SLCO1B1: variants seen among roughly 807,000 people sequenced by gnomAD.
SLCO1B1 encodes the protein solute carrier organic anion transporter family member 1B1.
Under a neutral mutation model 70.1 loss-of-function variants are expected in SLCO1B1, and 81 were observed. That is an observed-to-expected ratio of 1.16 (90% CI 0.97 to 1.39). SLCO1B1 has a LOEUF of 1.39. Ranked by LOEUF, SLCO1B1 falls within the 40% of genes most tolerant of loss-of-function variation. SLCO1B1 has a pLI of 0.00. For missense variants in SLCO1B1, 895 were observed against 799.6 expected (o/e 1.12, Z -1.44); for synonymous variants, 283 against 271.5 (o/e 1.04, Z -0.42).
intron 2 of SLCO1B1, among the ~76,000 whole-genome samples, chr12:21,157,730 T>C (rs1162758249): frequency 2.6e-5 from 4 of 151,644 alleles, no homozygotes; most frequent in African/African-American, 9.7e-5. Flanking sequence ...GCCTCCCAAG[T>C]AGCTGGGACT....
intron 14 of SLCO1B1, among the ~76,000 whole-genome samples, chr12:21,232,599 A>G (rs1228182545): frequency 6.6e-6 from 1 of 152,196 alleles, no homozygotes; most frequent in Non-Finnish European, 1.5e-5. Context: ...CAACACTAAA[A>G]GACAAATTCT....
chr12:21,214,553 A>C (rs1941332471), intron 11 of SLCO1B1, among the ~76,000 whole-genome samples: 1 of 150,962 alleles, frequency 6.6e-6, no homozygotes, highest in Admixed American at 6.6e-5. Flanking sequence ...GAGCCTACAG[A>C]GGCAGGCAGG....
At chr12:21,174,076 G>A (rs1394421161) in intron 3 of SLCO1B1, among the ~76,000 whole-genome samples, 1 of 151,916 alleles carries the variant, frequency 6.6e-6, no homozygotes, top group African/African-American at 2.4e-5. Context: ...TCTTAATTAA[G>A]TTCCGCCTTT....
chr12:21,223,920 T>C (rs1176944710), intron 13 of SLCO1B1, among the ~76,000 whole-genome samples: 1 of 152,088 alleles, frequency 6.6e-6, no homozygotes, highest in African/African-American at 2.4e-5. Context: ...AAACAACATA[T>C]CTGTCTGTGA....
chr12:21,206,439 T>G (rs1176464956), intron 11 of SLCO1B1, among the ~76,000 whole-genome samples: 1 of 151,930 alleles, frequency 6.6e-6, no homozygotes, highest in East Asian at 1.9e-4. Context: ...CCTATCTTAC[T>G]AAGACAACAG....
rs112909948 is a variant in SLCO1B1 at position 21,217,185 on chromosome 12, G to T, written c.1564G>T (p.Gly522Cys). The part of the protein sequence containing the change: ...LQNRNYSAHL[G>C]ECPRDDACTR... ...GAACAGAAATTACTCAGCCCATTTG[G>T]GTGAATGCCCAAGAGATGATGCTTG... The change falls in exon 12 of 15, where the codon GGT (glycine) becomes TGT (cysteine). Residue 522 changes from glycine to cysteine, a missense_variant. By Grantham distance (159) the Gly-to-Cys change is radical (BLOSUM62 -3). Coordinates refer to ENST00000256958, the MANE Select transcript of SLCO1B1 (RefSeq NM_006446.5). The T allele has an allele frequency of 3.7e-6, 6 of 1,613,634 alleles. No individual in the cohort carries two copies. Among genetic ancestry groups the T allele is most frequent in the Non-Finnish European group, 5.1e-6 (6 of 1,179,694 alleles).
At chr12:21,148,028 A>G (rs1264627699) in intron 2 of SLCO1B1, among the ~76,000 whole-genome samples, 3 of 152,122 alleles carry the variant, frequency 2.0e-5, no homozygotes, top group Non-Finnish European at 4.4e-5. Flanking sequence ...GTCTGTTCAT[A>G]TCCTTGGCCC....
intron 14 of SLCO1B1, among the ~76,000 whole-genome samples, chr12:21,238,471 G>GT (rs965311363): frequency 1.1e-3 from 155 of 144,902 alleles, no homozygotes; most frequent in Middle Eastern, 3.5e-3. Context: ...TTCAATCTAT[G>GT]TTTTTTTTTT....
chr12:21,178,499 GAGTTTACA>G (rs1940849132), intron 5 of SLCO1B1, 69 bp from the exon 6 acceptor site: 1 of 995,724 alleles, frequency 1.0e-6, no homozygotes, highest in African/African-American at 1.6e-5. Context: ...GAATAATTAA[GAGTTTACA>G]AGTAGTTAAA....
chr12:21,205,446 C>T (rs1002987024), intron 10 of SLCO1B1, among the ~76,000 whole-genome samples: 12 of 151,822 alleles, frequency 7.9e-5, no homozygotes, highest in African/African-American at 2.9e-4. Flanking sequence ...AAATAGCATT[C>T]GTAGACTCAC....
intron 10 of SLCO1B1, among the ~76,000 whole-genome samples, chr12:21,204,777 C>T (rs58310495): frequency 0.18 from 26,658 of 151,534 alleles, 2,653 homozygotes; most frequent in East Asian, 0.44. Context: ...CTAGGAAGGG[C>T]CCATTTCTTA....
chr12:21,133,857 T>G (rs1192645246), intron 1 of SLCO1B1, among the ~76,000 whole-genome samples: 11 of 152,178 alleles, frequency 7.2e-5, no homozygotes, highest in African/African-American at 2.7e-4. Context: ...TGGCCAGAAC[T>G]TCCAACATTA....
chr12:21,224,321 T>C (rs568829450), intron 13 of SLCO1B1, among the ~76,000 whole-genome samples: 1 of 152,084 alleles, frequency 6.6e-6, no homozygotes, highest in African/African-American at 2.4e-5. Flanking sequence ...TGAGCCAAGA[T>C]CTTTTTCCTT....
At chr12:21,204,722 T>C (rs1440092364) in intron 10 of SLCO1B1, among the ~76,000 whole-genome samples, 1 of 151,916 alleles carries the variant, frequency 6.6e-6, no homozygotes, top group Non-Finnish European at 1.5e-5. Flanking sequence ...TTCAAGATTC[T>C]AAAGGCTGGA....
chr12:21,135,922 C>A (rs964175720), intron 1 of SLCO1B1, among the ~76,000 whole-genome samples: 4 of 152,180 alleles, frequency 2.6e-5, no homozygotes, highest in African/African-American at 9.7e-5. Context: ...GCAGTTTCTT[C>A]CTAGCCTTGA....
intron 7 of SLCO1B1, among the ~76,000 whole-genome samples, chr12:21,190,676 T>G (rs1941020084): frequency 6.6e-6 from 1 of 152,164 alleles, no homozygotes; most frequent in Admixed American, 6.5e-5. Context: ...CCCTTCCATC[T>G]TTCCCCTTCT....
intron 2 of SLCO1B1, among the ~76,000 whole-genome samples, chr12:21,161,323 A>G (rs1940616503): frequency 6.6e-6 from 1 of 152,228 alleles, no homozygotes; most frequent in Non-Finnish European, 1.5e-5. Context: ...ATGGAATACT[A>G]TGCAGCCATA....
At chr12:21,201,671 T>G (rs1010950741) in intron 9 of SLCO1B1, among the ~76,000 whole-genome samples, 3 of 152,128 alleles carry the variant, frequency 2.0e-5, no homozygotes, top group African/African-American at 7.2e-5. Context: ...TAGATGAAGT[T>G]CCATAGGCAG....
intron 14 of SLCO1B1, among the ~76,000 whole-genome samples, chr12:21,225,362 T>C (rs1941472010): frequency 1.3e-5 from 2 of 152,050 alleles, no homozygotes; most frequent in Admixed American, 6.6e-5. Context: ...ATTCCGTAAG[T>C]GACATGAAGA....
Sources: allele counts gnomAD v4.1 joint callset (sites outside exome capture counted in the v4.1 genomes callset), GRCh38; gene constraint gnomAD v4.1.1; transcripts MANE v1.5; gene names NCBI Gene and HGNC (gene_info 2026-07-23, HGNC 2026-07-21).